DCDC2: variants seen among roughly 807,000 people sequenced by gnomAD.
DCDC2 encodes the protein doublecortin domain-containing protein 2.
In DCDC2, 40 loss-of-function variants were observed where a neutral mutation model predicts 50.2. The observed-to-expected ratio is 0.80, with a 90% CI of 0.62 to 1.04. The LOEUF (loss-of-function observed/expected upper bound fraction) is 1.04. DCDC2 is among the 50% of genes least tolerant of loss of function. DCDC2 has a pLI of 0.00. For synonymous variants in DCDC2, 234 were observed against 210.6 expected, an observed-to-expected ratio of 1.11 and a Z score of -0.96; for missense variants, 570 against 581.9, an observed-to-expected ratio of 0.98 and a Z score of 0.21.
chr6:24,275,297 A>T (rs1763328115), intron 7 of DCDC2, among the ~76,000 whole-genome samples: 1 of 152,230 alleles, frequency 6.6e-6, no homozygotes, highest in Admixed American at 6.5e-5. Flanking sequence ...AGTCAAAGAC[A>T]TCTGCAGGGA....
intron 4 of DCDC2, among the ~76,000 whole-genome samples, chr6:24,291,738 G>T (rs1220203533): frequency 6.6e-6 from 1 of 151,974 alleles, no homozygotes; most frequent in African/African-American, 2.4e-5. Flanking sequence ...GCCCGCCTCG[G>T]CCTCCCAAAG....
chr6:24,208,362 A>AC (rs1491511561), intron 7 of DCDC2, among the ~76,000 whole-genome samples: 34 of 121,498 alleles, frequency 2.8e-4, no homozygotes, highest in Non-Finnish European at 6.6e-5. Flanking sequence ...CCTCTGTGCT[A>AC]CTTTTTTTTT....
chr6:24,350,400 C>A (rs1303732959), intron 2 of DCDC2, among the ~76,000 whole-genome samples: 1 of 152,204 alleles, frequency 6.6e-6, no homozygotes, highest in Non-Finnish European at 1.5e-5. Flanking sequence ...CCCAGTGCCA[C>A]ACACTCTGCA....
At chr6:24,284,823 C>T (rs1469360408) in intron 6 of DCDC2, among the ~76,000 whole-genome samples, 2 of 152,076 alleles carry the variant, frequency 1.3e-5, no homozygotes, top group Non-Finnish European at 2.9e-5. Context: ...TTTGTTTCCT[C>T]TGCCTTGGAT....
chr6:24,246,343 T>A (rs1484233798), intron 7 of DCDC2, among the ~76,000 whole-genome samples: 4 of 151,900 alleles, frequency 2.6e-5, no homozygotes, highest in African/African-American at 7.3e-5. Flanking sequence ...AATGACTAGA[T>A]CTTTAGTGGT....
chr6:24,374,577 CAAAAAAAA>C, the DCDC2 span, among the ~76,000 whole-genome samples: 100 of 57,474 alleles, frequency 1.7e-3, 1 homozygote, highest in African/African-American at 6.1e-3. Context: ...AGACTCCATC[CAAAAAAAA>C]AAAAAAAAAA....
intron 7 of DCDC2, among the ~76,000 whole-genome samples, chr6:24,257,684 G>T (rs959225250): frequency 2.0e-5 from 3 of 147,194 alleles, no homozygotes; most frequent in African/African-American, 8.0e-5. Context: ...TGTGGAAGAC[G>T]CCTGAAGTTG....
chr6:24,216,464 A>G (rs1315094477), intron 7 of DCDC2, among the ~76,000 whole-genome samples: 1 of 152,220 alleles, frequency 6.6e-6, no homozygotes, highest in Admixed American at 6.5e-5. Context: ...ATTATAGTAC[A>G]GTATGAAAAT....
chr6:24,213,227 A>G (rs1349446068), intron 7 of DCDC2, among the ~76,000 whole-genome samples: 4 of 152,330 alleles, frequency 2.6e-5, no homozygotes, highest in South Asian at 2.1e-4. Context: ...AAGAAAACTA[A>G]TATCATAATG....
At chr6:24,199,987 C>G (rs983520320) in intron 8 of DCDC2, among the ~76,000 whole-genome samples, 1 of 152,030 alleles carries the variant, frequency 6.6e-6, no homozygotes, top group African/African-American at 2.4e-5. Flanking sequence ...AGGAACAAAG[C>G]CTCCAGAAAA....
chr6:24,183,354 G>C (rs1160243959), intron 8 of DCDC2, among the ~76,000 whole-genome samples: 1 of 152,156 alleles, frequency 6.6e-6, no homozygotes, highest in East Asian at 1.9e-4. Flanking sequence ...GAAATGTACT[G>C]AGCCAAAGAT....
rs190746697 is a variant in DCDC2 at position 24,297,170 on chromosome 6, G to C, written c.557+4545C>G. Among the ~76,000 whole-genome samples, 4 of 152,298 alleles carry C rather than the reference G, an allele frequency of 2.6e-5. No homozygotes were observed. The East Asian group carries it at 7.7e-4, about 29-fold the overall frequency. ...AGATCATGTCCTTTGCAGGAACATG[G>C]AAAGAGCTGGAGGCCATCATCCTTT... On this transcript the variant is annotated intron_variant, in intron 4 of 9. Transcript: ENST00000378454.
chr6:24,258,742 G>GA (rs1272348597), intron 7 of DCDC2, among the ~76,000 whole-genome samples: 1 of 152,116 alleles, frequency 6.6e-6, no homozygotes, highest in Non-Finnish European at 1.5e-5. Context: ...TGAGCCCTCA[G>GA]AAAATCCACA....
At chr6:24,317,188 T>A (rs1759686888) in intron 2 of DCDC2, among the ~76,000 whole-genome samples, 1 of 152,108 alleles carries the variant, frequency 6.6e-6, no homozygotes, top group Admixed American at 6.6e-5. Flanking sequence ...AATATATTTT[T>A]CATTTTTTAA....
upstream of DCDC2, among the ~76,000 whole-genome samples, chr6:24,359,911 G>C (rs1760635309): frequency 6.6e-6 from 1 of 152,184 alleles, no homozygotes; most frequent in African/African-American, 2.4e-5. Flanking sequence ...GCGCAAGCGG[G>C]GCCCTGGTTG....
At position 24,357,824 on chromosome 6, in the gene DCDC2, G is replaced by C; in HGVS notation, c.-74C>G. ...CCTCCGCTGTCCCAGCGGCCTCACC[G>C]CACCCAGGGCGCGGGATCGCCTCCT... is the stretch of plus-strand genomic sequence containing the variant. On this transcript the variant is annotated 5_prime_UTR_variant, in exon 1 of 10. Coordinates refer to ENST00000378454, the MANE Select transcript of DCDC2 (RefSeq NM_016356.5). 6.2e-7 allele frequency: 1 copy of C among 1,602,926 alleles called. No individual in the cohort carries two copies. Among genetic ancestry groups the C allele is most frequent in the Non-Finnish European group, 8.5e-7 (1 of 1,173,436 alleles).
chr6:24,282,972 G>A (rs1433125828), intron 6 of DCDC2, among the ~76,000 whole-genome samples: 1 of 151,796 alleles, frequency 6.6e-6, no homozygotes, highest in Non-Finnish European at 1.5e-5. Context: ...GAATAATAAC[G>A]AAATTTTTTT....
chr6:24,280,368 GTTT>G (rs1250931728), intron 6 of DCDC2, among the ~76,000 whole-genome samples: 4 of 140,684 alleles, frequency 2.8e-5, no homozygotes, highest in Non-Finnish European at 6.2e-5. Flanking sequence ...GCAACCAGGG[GTTT>G]TTTTTTTTTT....
intron 7 of DCDC2, among the ~76,000 whole-genome samples, chr6:24,274,472 A>G (rs1763305241): frequency 6.6e-6 from 1 of 152,146 alleles, no homozygotes; most frequent in Non-Finnish European, 1.5e-5. Context: ...TTTCACACCC[A>G]ACTTCATCAA....
Sources: gnomAD v4.1 joint callset for allele counts (sites outside exome capture counted in the v4.1 genomes callset) on GRCh38, gnomAD v4.1.1 for gene constraint, MANE v1.5 for transcripts, NCBI Gene and HGNC (gene_info 2026-07-23, HGNC 2026-07-21) for gene names.